ACYP2: variants seen among roughly 807,000 people sequenced by gnomAD.
ACYP2 encodes the protein acylphosphatase-2.
ACYP2 carries 12 observed loss-of-function variants against 11.2 expected under a neutral mutation model. The ratio of observed to expected loss-of-function variants is 1.08; its 90% CI spans 0.69 to 1.74. The LOEUF is 1.74. Among genes scored for constraint, ACYP2 ranks in the 40% most tolerant of loss-of-function variants. ACYP2 has a pLI of 0.00. For synonymous variants in ACYP2, 43 were observed against 32.2 expected, an observed-to-expected ratio of 1.33 and a Z score of -1.13; for missense variants, 134 against 101.9, an observed-to-expected ratio of 1.31 and a Z score of -1.35.
intron 6 of ACYP2, among the ~76,000 whole-genome samples, chr2:54,162,972 A>G (rs1173544729): frequency 6.6e-6 from 1 of 152,126 alleles, no homozygotes; most frequent in Non-Finnish European, 1.5e-5. Context: ...CCAGAGTGAG[A>G]CCCTGTCTCA....
chr2:54,071,698 T>C (rs1374365578), intron 4 of ACYP2, among the ~76,000 whole-genome samples: 1 of 152,142 alleles, frequency 6.6e-6, no homozygotes, highest in African/African-American at 2.4e-5. Context: ...TATTTCTGTA[T>C]ACTCCAATGA....
chr2:53,981,265 A>T (rs1324436656), intron 2 of ACYP2, among the ~76,000 whole-genome samples: 1 of 152,236 alleles, frequency 6.6e-6, no homozygotes, highest in African/African-American at 2.4e-5. Flanking sequence ...TGGACAAAGC[A>T]CACAAAGCAA....
chr2:54,286,856 T>G (rs547725833), intron 6 of ACYP2, among the ~76,000 whole-genome samples: 1 of 152,052 alleles, frequency 6.6e-6, no homozygotes, highest in East Asian at 1.9e-4. Context: ...GTGAGTTTTC[T>G]CAGGCTATAA....
At chr2:54,174,341 A>G (rs1406234124) in intron 6 of ACYP2, among the ~76,000 whole-genome samples, 1 of 152,182 alleles carries the variant, frequency 6.6e-6, no homozygotes, top group Admixed American at 6.5e-5. Context: ...TTATTGGTGT[A>G]GAGGAATGCT....
chr2:54,055,278 C>T (rs1035250269), intron 3 of ACYP2, among the ~76,000 whole-genome samples: 3 of 152,144 alleles, frequency 2.0e-5, no homozygotes, highest in Admixed American at 1.3e-4. Context: ...CTCAGAGATC[C>T]ACCTGCCTTG....
intron 6 of ACYP2, among the ~76,000 whole-genome samples, chr2:54,247,106 A>T (rs1041849148): frequency 1.3e-5 from 2 of 152,230 alleles, no homozygotes; most frequent in African/African-American, 4.8e-5. Flanking sequence ...TAGGTCTTAT[A>T]GCAGCGTTTT....
chr2:54,070,754 G>A (rs1016611767), intron 4 of ACYP2, among the ~76,000 whole-genome samples: 1 of 148,230 alleles, frequency 6.7e-6, no homozygotes, highest in Non-Finnish European at 1.5e-5. Context: ...TTTTTTGGTG[G>A]GGGCAGGGTC....
At chr2:54,150,300 G>T (rs1326390179) in intron 6 of ACYP2, among the ~76,000 whole-genome samples, 1 of 152,184 alleles carries the variant, frequency 6.6e-6, no homozygotes, top group Non-Finnish European at 1.5e-5. Flanking sequence ...AGGGTTTGCT[G>T]CTCACTGTAT....
At chr2:54,263,859 A>G (rs1262376264) in intron 6 of ACYP2, among the ~76,000 whole-genome samples, 2 of 152,022 alleles carry the variant, frequency 1.3e-5, no homozygotes, top group Non-Finnish European at 2.9e-5. Context: ...AGAAGATATT[A>G]CAATCACTAG....
At chr2:54,082,196 A>T (rs990576433) in intron 4 of ACYP2, among the ~76,000 whole-genome samples, 1 of 152,060 alleles carries the variant, frequency 6.6e-6, no homozygotes, top group African/African-American at 2.4e-5. Flanking sequence ...AGTTTTCATT[A>T]TTCCTCATTT....
At chr2:54,142,023 G>GTATATT (rs1681637178) in intron 6 of ACYP2, 7 of 232,192 alleles carry the variant, frequency 3.0e-5, no homozygotes, top group Admixed American at 2.2e-4. Flanking sequence ...ATATTTTGTT[G>GTATATT]TTGTTGTTGT....
chr2:54,122,224 G>T (rs187821778), intron 4 of ACYP2, among the ~76,000 whole-genome samples: 1 of 152,178 alleles, frequency 6.6e-6, no homozygotes, highest in Admixed American at 6.5e-5. Context: ...ACATGAAAAG[G>T]TGTTGACATT....
At chr2:54,020,300 T>G (rs1573536370) in intron 2 of ACYP2, among the ~76,000 whole-genome samples, 1 of 152,324 alleles carries the variant, frequency 6.6e-6, no homozygotes, top group Middle Eastern at 3.4e-3. Flanking sequence ...TGTAATTGTG[T>G]TGTAATTGTT....
intron 2 of ACYP2, among the ~76,000 whole-genome samples, chr2:54,030,275 A>C (rs1674514126): frequency 6.6e-6 from 1 of 152,190 alleles, no homozygotes; most frequent in African/African-American, 2.4e-5. Flanking sequence ...AATCTATTCA[A>C]ACAGCTGCCT....
At chr2:54,113,759 C>T (rs1464479890) in intron 4 of ACYP2, among the ~76,000 whole-genome samples, 2 of 152,004 alleles carry the variant, frequency 1.3e-5, no homozygotes, top group African/African-American at 4.8e-5. Flanking sequence ...AGAAGAGGTT[C>T]TTTGTTTTAA....
intron 6 of ACYP2, chr2:54,267,189 A>T: frequency 8.4e-7 from 1 of 1,190,818 alleles, no homozygotes; most frequent in Non-Finnish European, 1.2e-6. Context: ...TTTTTCATCA[A>T]GAAAATGTTT....
At chr2:53,978,916 T>G (rs552577504) in intron 2 of ACYP2, among the ~76,000 whole-genome samples, 36 of 151,870 alleles carry the variant, frequency 2.4e-4, no homozygotes, top group African/African-American at 8.2e-4. Context: ...GAGTAAGACC[T>G]CATCTCAAAC....
chr2:54,262,986 A>G (rs1391193322), intron 6 of ACYP2, among the ~76,000 whole-genome samples: 9 of 152,204 alleles, frequency 5.9e-5, no homozygotes, highest in Non-Finnish European at 1.2e-4. Flanking sequence ...ATGGGGGGCC[A>G]AAGTGGGAGA....
intron 4 of ACYP2, chr2:54,115,647 C>T (rs545680832): frequency 6.3e-7 from 1 of 1,588,750 alleles, no homozygotes; most frequent in East Asian, 2.3e-5. Flanking sequence ...CCGCCGCAGT[C>T]GCTGCGCCCC....
Sources: gnomAD v4.1 joint callset for allele counts (sites outside exome capture counted in the v4.1 genomes callset) on GRCh38, gnomAD v4.1.1 for gene constraint, MANE v1.5 for transcripts, NCBI Gene and HGNC (gene_info 2026-07-23, HGNC 2026-07-21) for gene names.